Variants in HTT observed in about 807,000 individuals in gnomAD.
HTT encodes huntingtin.
HTT carries 104 observed loss-of-function variants against 362.3 expected under a neutral mutation model. The observed-to-expected ratio is 0.29, with a 90% CI of 0.24 to 0.34. The LOEUF is 0.34. HTT is among the 10% of genes least tolerant of loss of function. HTT has a pLI of 1.00. For missense variants in HTT, 3,301 were observed against 3,928.6 expected, an observed-to-expected ratio of 0.84 and a Z score of 4.27; for synonymous variants, 1,577 against 1,548.7, an observed-to-expected ratio of 1.02 and a Z score of -0.43.
intron 1 of HTT, among the ~76,000 whole-genome samples, chr4:3,083,712 A>T (rs1713049765): frequency 6.6e-6 from 1 of 152,184 alleles, no homozygotes; most frequent in South Asian, 2.1e-4. Context: ...GCCACTCTGG[A>T]AAACAGTTTG....
At chr4:3,093,272 C>T (rs573771184) in intron 2 of HTT, among the ~76,000 whole-genome samples, 22 of 152,314 alleles carry the variant, frequency 1.4e-4, no homozygotes, top group South Asian at 4.1e-4. Context: ...AGTGGAAAAC[C>T]TCAGCTCTCA....
At chr4:3,127,771 C>G (rs1715591812) in intron 12 of HTT, among the ~76,000 whole-genome samples, 167 bp downstream of exon 12, 1 of 151,982 alleles carries the variant, frequency 6.6e-6, no homozygotes, top group South Asian at 2.1e-4. Context: ...CGAGACCAGC[C>G]TGGCCAACAT....
chr4:3,215,311 C>T lies in HTT; in HGVS notation c.7054+100C>T, dbSNP rs362326. 1,767 of 782,674 alleles carry T rather than the reference C, an allele frequency of 2.3e-3. 13 individuals are homozygous for T. The African/African-American group carries it at 0.023, about 10-fold the overall frequency. 48.5% of individuals were successfully genotyped at this position (782,674 alleles called of 1,614,324 possible). ...CGCGGTGAGTGTGGACTCCTGGAAG[C>T]GCACCGTAGCTCCGCTGTGTCCTGC... On this transcript the variant is annotated intron_variant, in intron 51 of 66. Transcript: ENST00000355072.
intron 66 of HTT, among the ~76,000 whole-genome samples, chr4:3,239,356 C>T (rs1215699069): frequency 2.0e-5 from 3 of 152,206 alleles, no homozygotes; most frequent in South Asian, 2.1e-4. Flanking sequence ...GTGCCTCGAT[C>T]GCCCTCTCGG....
rs1420026776 is a variant in HTT, at chr4:3,132,665, C to T, written c.2340C>T (p.Leu780=). 5 of 1,614,020 alleles carry T rather than the reference C, an allele frequency of 3.1e-6. No homozygotes were observed. The highest frequency in any genetic ancestry group is 1.6e-4 in the Middle Eastern group (1 of 6,084). The part of the protein sequence containing the change: ...ILCGTLICSI[L]SRSRFHVGDW... ...GTGGGACCCTCATCTGCTCCATCCT[C>T]AGCAGGTCCCGCTTCCACGTGGGAG... Residue 780 remains leucine (L), a synonymous_variant, in exon 17 of 67, where the codon CTC becomes CTT. Transcript: ENST00000355072.
chr4:3,136,215 T>C lies in HTT; in HGVS notation c.2698-11T>C. On this transcript the variant is annotated splice_polypyrimidine_tract_variant and intron_variant, in intron 20 of 66. Coordinates refer to ENST00000355072, the MANE Select transcript of HTT (RefSeq NM_001388492.1). ...AGATTATGTTTATTTTTATTATCCT[T>C]CTCTCTAAAGCTTTTAAAACTGCAA... The C allele has an allele frequency of 6.4e-7, 1 of 1,552,120 alleles. No individual in the cohort carries two copies. The highest frequency in any genetic ancestry group is 8.9e-7 in the Non-Finnish European group (1 of 1,128,874).
chr4:3,197,774 C>G (rs954777716), intron 40 of HTT, among the ~76,000 whole-genome samples: 8 of 152,168 alleles, frequency 5.3e-5, no homozygotes, highest in Non-Finnish European at 1.0e-4. Context: ...GATTCAGAGC[C>G]TGTGTTGACA....
intron 3 of HTT, among the ~76,000 whole-genome samples, chr4:3,101,282 G>A (rs1423653868): frequency 1.3e-5 from 2 of 152,194 alleles, no homozygotes; most frequent in Admixed American, 6.5e-5. Flanking sequence ...GCCCTAGGTT[G>A]TGGTTTTAGG....
At position 3,074,714 on chromosome 4, in the gene HTT, C is replaced by A; in HGVS notation, c.-112C>A. 1 of 1,161,520 alleles carries A rather than the reference C, an allele frequency of 8.6e-7. No homozygotes were observed. Among genetic ancestry groups the A allele is most frequent in the Non-Finnish European group, 1.2e-6 (1 of 863,002 alleles). 72.0% of individuals were successfully genotyped at this position (1,161,520 alleles called of 1,614,324 possible). A position where few individuals can be genotyped will look rare whatever the true frequency, so the allele number is the denominator to read the frequency against. On this transcript the variant is annotated 5_prime_UTR_variant, in exon 1 of 67. It introduces an in-frame stop codon into an upstream open reading frame of the 5' UTR. Transcript: ENST00000355072. ...GACGGGTCCAAGATGGACGGCCGCT[C>A]AGGTTCTGCTTTTACCTGCGGCCCA...
intron 40 of HTT, among the ~76,000 whole-genome samples, chr4:3,195,407 C>T (rs371786056): frequency 1.3e-5 from 2 of 152,152 alleles, no homozygotes; most frequent in Admixed American, 6.5e-5. Flanking sequence ...AGCCTGCATC[C>T]GCCTTCCTGC....
intron 8 of HTT, among the ~76,000 whole-genome samples, chr4:3,120,630 T>C (rs184132057): frequency 7.0e-4 from 106 of 152,352 alleles, no homozygotes; most frequent in Admixed American, 1.8e-3. Flanking sequence ...TATTGTGAAC[T>C]GCACATGTGA....
chr4:3,185,636 G>A (rs112372148), intron 37 of HTT, among the ~76,000 whole-genome samples: 3,065 of 152,332 alleles, frequency 0.02, 74 homozygotes, highest in African/African-American at 0.057. Flanking sequence ...GTTCTGGCCA[G>A]GTGTGGTGGC....
At chr4:3,235,479 G>C (rs1369451654) in intron 62 of HTT, 81 bp downstream of exon 62, 1 of 1,515,652 alleles carries the variant, frequency 6.6e-7, no homozygotes, top group Non-Finnish European at 9.2e-7. Flanking sequence ...ATACCAGTGG[G>C]CCAGTTTTGA....
rs775833457 is a variant in HTT at position 3,199,887 on chromosome 4, C to G, written c.5524C>G (p.Leu1842Val). ...LVLLWCQILLLVNHTDYRWWA... is the reference protein window; with the variant it reads ...LVLLWCQILLVVNHTDYRWWA... ...GCTGCTCTGGTGTCAGATACTGCTG[C>G]TTGTCAACCACACCGACTACCGCTG... The change falls in exon 41 of 67, where the codon CTT becomes GTT. Residue 1842 changes from leucine to valine, a missense_variant. Coordinates refer to ENST00000355072, the MANE Select transcript of HTT (RefSeq NM_001388492.1). The G allele has an allele frequency of 1.4e-5, 23 of 1,614,050 alleles. No homozygotes were observed. The highest frequency in any genetic ancestry group is 1.9e-5 in the Non-Finnish European group (22 of 1,180,038).
rs1716411673 is a variant in HTT, at chr4:3,142,797, A to G, written c.2977A>G (p.Ile993Val). The G allele has an allele frequency of 6.4e-7, 1 of 1,568,826 alleles. No homozygotes were observed. Among genetic ancestry groups the G allele is most frequent in the Non-Finnish European group, 8.8e-7 (1 of 1,138,972 alleles). Residue 993 changes from isoleucine to valine, a missense_variant, in exon 23 of 67, where the codon ATA becomes GTA. By Grantham distance (29) the Ile-to-Val change is conservative. This residue lies in a region of HTT where 2,316 missense variants were observed against 2,658.5 expected (regional missense o/e 0.87). Coordinates refer to ENST00000355072, the MANE Select transcript of HTT (RefSeq NM_001388492.1). ...TAGAGGCTATAACCTACTACCAAGC[A>G]TAACAGACGTCACTATGGAAAATAA... is the stretch of plus-strand genomic sequence containing the variant. ...IYRGYNLLPS[I>V]TDVTMENNLS... is the part of the protein sequence containing the mutation.
chr4:3,133,485 G>C (rs150948592), intron 18 of HTT, among the ~76,000 whole-genome samples: 4 of 144,850 alleles, frequency 2.8e-5, no homozygotes, highest in African/African-American at 7.8e-5. Flanking sequence ...AACAGAGTGA[G>C]ACTGTCTCAA....
At chr4:3,104,544 G>A (rs1714330769) in intron 4 of HTT, among the ~76,000 whole-genome samples, 1 of 152,036 alleles carries the variant, frequency 6.6e-6, no homozygotes, top group Admixed American at 6.6e-5. Context: ...GGGGGTGGAG[G>A]TTGCAGTGAG....
chr4:3,228,517 A>G lies in HTT; in HGVS notation c.7849-98A>G. On this transcript the variant is annotated intron_variant, in intron 57 of 66. Coordinates refer to ENST00000355072, the MANE Select transcript of HTT (RefSeq NM_001388492.1). This position sits in a 1 kb window ranked among gnomAD's most constrained non-coding sequence, Gnocchi z 4.3. Reference sequence around the variant, plus strand: ...GACCCTTGCTAAGGGGCAGACTGTTAGACGGTAGGCATGTGCTGAGTCCCA... The same window carrying G: ...GACCCTTGCTAAGGGGCAGACTGTTGGACGGTAGGCATGTGCTGAGTCCCA... The G allele has an allele frequency of 1.5e-6, 2 of 1,375,396 alleles. No homozygotes were observed. Among genetic ancestry groups the G allele is most frequent in the South Asian group, 3.1e-5 (2 of 65,042 alleles). The allele number at this position is 1,375,396 out of a possible 1,614,324, so 85.2% of individuals were successfully genotyped here.
chr4:3,140,375 C>T, intron 21 of HTT, 135 bp from the exon 22 acceptor site: 1 of 682,556 alleles, frequency 1.5e-6, no homozygotes, highest in Non-Finnish European at 2.5e-6. Context: ...AGAACGCCAC[C>T]TGAGAAAGGG....
Sources: gnomAD v4.1 joint callset for allele counts (sites outside exome capture counted in the v4.1 genomes callset) on GRCh38, gnomAD v4.1.1 for gene constraint, gnomAD v4.1.1 regional missense constraint, Gnocchi (gnomAD v3.1) non-coding constraint, MANE v1.5 for transcripts, NCBI Gene and HGNC (gene_info 2026-07-23, HGNC 2026-07-21) for gene names.